METAP1: variants seen among roughly 807,000 people sequenced by gnomAD.
METAP1 encodes methionyl aminopeptidase 1.
Under a neutral mutation model 53.8 loss-of-function variants are expected in METAP1, and 28 were observed. The ratio of observed to expected loss-of-function variants is 0.52; its 90% CI spans 0.39 to 0.71. The LOEUF (loss-of-function observed/expected upper bound fraction) is 0.71, where lower values mean the gene tolerates loss of function less well. Among genes scored for constraint, METAP1 ranks in the 30% least tolerant of loss-of-function variants. The probability of loss-of-function intolerance (pLI) is 0.00; values close to 1 mark genes in which losing one functional copy is unlikely to be tolerated. For synonymous variants in METAP1, 181 were observed against 165.7 expected, an observed-to-expected ratio of 1.09 and a Z score of -0.71; for missense variants, 389 against 479.8, an observed-to-expected ratio of 0.81 and a Z score of 1.77.
intron 9 of METAP1, among the ~76,000 whole-genome samples, chr4:99,055,530 A>C (rs1727048778): frequency 6.6e-6 from 1 of 152,238 alleles, no homozygotes; most frequent in Non-Finnish European, 1.5e-5. Flanking sequence ...ATTTTTTAAA[A>C]AGTACCTAAG....
At chr4:99,048,133 T>C (rs940947474) in intron 8 of METAP1, among the ~76,000 whole-genome samples, 16 of 152,294 alleles carry the variant, frequency 1.1e-4, no homozygotes, top group African/African-American at 3.4e-4. Flanking sequence ...AGAAGTGTAT[T>C]TTCCTCTCTA....
intron 1 of METAP1, among the ~76,000 whole-genome samples, chr4:99,003,963 G>C (rs908497750): frequency 6.6e-6 from 1 of 152,136 alleles, no homozygotes; most frequent in Admixed American, 6.5e-5. Context: ...TTGGGCCTCC[G>C]GAACTTAAAA....
chr4:99,001,577 A>G (rs1196091034), intron 1 of METAP1, among the ~76,000 whole-genome samples: 2 of 152,230 alleles, frequency 1.3e-5, no homozygotes, highest in African/African-American at 4.8e-5. Context: ...GTGTTTTGGT[A>G]GTGTCATGTC....
intron 1 of METAP1, among the ~76,000 whole-genome samples, chr4:99,003,179 G>T (rs977175580): frequency 7.2e-5 from 11 of 152,244 alleles, no homozygotes; most frequent in Admixed American, 2.0e-4. Flanking sequence ...CCTTTAAAGA[G>T]TGGTTAGGAT....
chr4:99,012,269 G>GTTT (rs34482996), intron 1 of METAP1, among the ~76,000 whole-genome samples: 1 of 106,718 alleles, frequency 9.4e-6, no homozygotes, highest in Non-Finnish European at 1.9e-5. Flanking sequence ...GTTAATGTGA[G>GTTT]TTTTTTTTTT....
At chr4:98,997,510 A>C (rs10035037) in intron 1 of METAP1, 96,028 of 154,654 alleles carry the variant, frequency 0.62, 30,822 homozygotes, top group African/African-American at 0.74. Flanking sequence ...GGGACCTGAA[A>C]TTAAGAAACA....
chr4:99,038,748 A>G (rs1725621304), intron 4 of METAP1, among the ~76,000 whole-genome samples: 1 of 152,144 alleles, frequency 6.6e-6, no homozygotes, highest in South Asian at 2.1e-4. Flanking sequence ...TTTTTTGAGT[A>G]TGACTCAGAA....
chr4:99,061,409 CTTGTT>C lies in METAP1; in HGVS notation c.*101_*105del, dbSNP rs1727540240. The C allele has an allele frequency of 7.2e-6, 9 of 1,245,344 alleles. No individual in the cohort carries two copies. In the Admixed American group the frequency reaches 7.5e-5, roughly 10 times the overall value. 77.1% of individuals were successfully genotyped at this position (1,245,344 alleles called of 1,614,324 possible). On this transcript the variant is annotated 3_prime_UTR_variant, in exon 11 of 11. Transcript: ENST00000296411. ...AGGAAGAGGAACCTTTTTTTAATCA[CTTGTT>C]TTGTTTTGACTATAGATAAGAAAGG...
intron 3 of METAP1, 87 bp from the exon 4 acceptor site, chr4:99,035,313 T>G: frequency 1.1e-6 from 1 of 919,972 alleles, no homozygotes; most frequent in Non-Finnish European, 1.7e-6. Context: ...CATTTAAAAC[T>G]TCTAAAAACT....
chr4:99,009,040 C>A (rs1157139951), intron 1 of METAP1, among the ~76,000 whole-genome samples: 1 of 152,146 alleles, frequency 6.6e-6, no homozygotes, highest in Admixed American at 6.5e-5. Flanking sequence ...TCTCCTTTGT[C>A]CTGTTTCCCA....
At chr4:99,056,253 T>A (rs1560739426) in intron 9 of METAP1, among the ~76,000 whole-genome samples, 1 of 152,212 alleles carries the variant, frequency 6.6e-6, no homozygotes, top group Non-Finnish European at 1.5e-5. Flanking sequence ...GGCATTGCAG[T>A]CATTCACTTA....
At chr4:99,022,353 G>T in intron 1 of METAP1, 1 of 872,660 alleles carries the variant, frequency 1.1e-6, no homozygotes, top group Non-Finnish European at 1.6e-6. Flanking sequence ...TGCTCTCTGA[G>T]GGTGGCGGGG....
At chr4:99,050,090 T>C (rs970466412) in intron 9 of METAP1, among the ~76,000 whole-genome samples, 1 of 152,124 alleles carries the variant, frequency 6.6e-6, no homozygotes, top group African/African-American at 2.4e-5. Context: ...CGAGTAAGGA[T>C]TGAAGAAATT....
At chr4:99,020,422 A>G (rs1338763532) in intron 1 of METAP1, among the ~76,000 whole-genome samples, 2 of 152,240 alleles carry the variant, frequency 1.3e-5, no homozygotes, top group East Asian at 1.9e-4. Flanking sequence ...TCCCTTCTAC[A>G]TTGTTCTATC....
rs1723224278 is a variant in METAP1 at position 99,007,347 on chromosome 4, C to T, written c.114+11480C>T. Among the ~76,000 whole-genome samples the T allele has an allele frequency of 2.0e-5, 3 of 152,286 alleles. 1 individual carries two copies. The South Asian group carries it at 6.2e-4, about 32-fold the overall frequency. ...CACAGAGTGGCTGGTGGTTCTGTTC[C>T]TAGCAGATCACCATTGATTGCACAG... On this transcript the variant is annotated intron_variant, in intron 1 of 10. Transcript: ENST00000296411.
intron 9 of METAP1, among the ~76,000 whole-genome samples, chr4:99,051,557 A>G (rs893056042): frequency 1.3e-5 from 2 of 151,074 alleles, no homozygotes; most frequent in African/African-American, 2.4e-5. Flanking sequence ...ATCCCTGGCT[A>G]ATTTTTATAT....
chr4:99,031,524 A>C, intron 2 of METAP1: 1 of 1,288,732 alleles, frequency 7.8e-7, no homozygotes, highest in Non-Finnish European at 1.0e-6. Flanking sequence ...GGTGTTATGT[A>C]ATGTCTTAAA....
intron 1 of METAP1, among the ~76,000 whole-genome samples, chr4:99,010,762 A>G (rs1233247714): frequency 6.6e-6 from 1 of 152,180 alleles, no homozygotes; most frequent in Non-Finnish European, 1.5e-5. Flanking sequence ...TTTGGGTAAT[A>G]TTGATATCTT....
At chr4:99,057,859 A>G (rs1213185537) in intron 10 of METAP1, 41 bp downstream of exon 10, 16 of 1,517,320 alleles carry the variant, frequency 1.1e-5, no homozygotes, top group Non-Finnish European at 1.4e-5. Flanking sequence ...AATTGAATTT[A>G]TATGTATTTT....
Sources: allele counts gnomAD v4.1 joint callset (sites outside exome capture counted in the v4.1 genomes callset), GRCh38; gene constraint gnomAD v4.1.1; transcripts MANE v1.5; gene names NCBI Gene and HGNC (gene_info 2026-07-23, HGNC 2026-07-21).